The following SH3BP5 variants were observed in gnomAD, a reference collection of about 807,000 sequenced individuals.
SH3BP5 encodes SH3 domain-binding protein 5.
Under a neutral mutation model 43.3 loss-of-function variants are expected in SH3BP5, and 22 were observed. The observed-to-expected ratio is 0.51, with a 90% CI of 0.36 to 0.73. SH3BP5 has a LOEUF of 0.73. Ranked by LOEUF, SH3BP5 falls within the 30% of genes least tolerant of loss-of-function variation. SH3BP5 has a pLI of 0.00. For synonymous variants in SH3BP5, 255 were observed against 225.8 expected, an observed-to-expected ratio of 1.13 and a Z score of -1.16; for missense variants, 529 against 586.9, an observed-to-expected ratio of 0.90 and a Z score of 1.02.
intron 3 of SH3BP5, among the ~76,000 whole-genome samples, chr3:15,303,086 T>C (rs2125110237): frequency 6.6e-6 from 1 of 152,284 alleles, no homozygotes; most frequent in East Asian, 1.9e-4. Flanking sequence ...AGTGCTGGGA[T>C]TACAGGTGTG....
At chr3:15,308,247 A>T (rs1697964417) in intron 2 of SH3BP5, among the ~76,000 whole-genome samples, 1 of 152,228 alleles carries the variant, frequency 6.6e-6, no homozygotes, top group Admixed American at 6.5e-5. Flanking sequence ...GATACAGGGC[A>T]CAGACTGACT....
At chr3:15,262,060 C>CTACTCAGG in intron 5 of SH3BP5, 99 bp downstream of exon 5, 1 of 1,395,842 alleles carries the variant, frequency 7.2e-7, no homozygotes, top group African/African-American at 1.4e-5. Flanking sequence ...CATCAAAGGA[C>CTACTCAGG]TACTCAGGGT....
rs533167535 is a variant in SH3BP5, at chr3:15,265,502, C to T, written c.496-3213G>A. 1.4e-4 allele frequency among the ~76,000 whole-genome samples: 12 copies of T among 84,742 alleles called. No homozygotes were observed. The South Asian group carries it at 2.7e-3, about 19-fold the overall frequency. The allele number at this position is 84,742 out of a possible 152,430, so 55.6% of individuals were successfully genotyped here. A position where few individuals can be genotyped will look rare whatever the true frequency, so the allele number is the denominator to read the frequency against. On this transcript the variant is annotated intron_variant, in intron 4 of 8. Transcript: ENST00000383791. Reference sequence around the variant, plus strand: ...CTGCACTCCAGCCTGAGCTACAGGGCGAGACTCCGTCACACACACACACAC... The same window carrying T: ...CTGCACTCCAGCCTGAGCTACAGGGTGAGACTCCGTCACACACACACACAC...
In SH3BP5 at chr3:15,294,300, T is replaced by C. The variant is rs531239746; in HGVS notation, c.330+9803A>G. On this transcript the variant is annotated intron_variant, in intron 3 of 8. Coordinates refer to ENST00000383791, the MANE Select transcript of SH3BP5 (RefSeq NM_004844.5). ...TCTTCTGCAAAAGTAAGTGTGTGTGTGTGTGTGTGTGTGTGTGTGTGTGTG... is the reference window on the plus strand; with the variant it reads ...TCTTCTGCAAAAGTAAGTGTGTGTGCGTGTGTGTGTGTGTGTGTGTGTGTG... 1.2e-4 allele frequency among the ~76,000 whole-genome samples: 16 copies of C among 134,740 alleles called. No homozygotes were observed. The South Asian group carries it at 1.6e-3, about 14-fold the overall frequency. The allele number at this position is 134,740 out of a possible 152,430, so 88.4% of individuals were successfully genotyped here.
At chr3:15,298,609 T>C (rs114282427) in intron 3 of SH3BP5, among the ~76,000 whole-genome samples, 1,886 of 152,352 alleles carry the variant, frequency 0.012, 50 homozygotes, top group African/African-American at 0.041. Context: ...AAACGTGGTA[T>C]ATACATTCAG....
chr3:15,258,601 G>GA, intron 7 of SH3BP5: 1 of 562,486 alleles, frequency 1.8e-6, no homozygotes, highest in East Asian at 2.9e-5. Context: ...GAGGAGTGAA[G>GA]GTGTAACATT....
chr3:15,279,535 A>G (rs1217426313), intron 3 of SH3BP5, among the ~76,000 whole-genome samples: 1 of 152,208 alleles, frequency 6.6e-6, no homozygotes, highest in East Asian at 1.9e-4. Flanking sequence ...ATAAAAATGT[A>G]AAAGCTACTA....
At chr3:15,299,483 A>ATTTTT (rs60281447) in intron 3 of SH3BP5, among the ~76,000 whole-genome samples, 5 of 92,272 alleles carry the variant, frequency 5.4e-5, no homozygotes, top group South Asian at 4.3e-4. Context: ...CAACAATTAG[A>ATTTTT]TTTTTTTTTT....
Position 15,256,071 on chromosome 3 carries a change from A to G in SH3BP5, c.*15T>C, listed in dbSNP as rs1696184058. 1 of 1,594,524 alleles carries G rather than the reference A, an allele frequency of 6.3e-7. No homozygotes were observed. The highest frequency in any genetic ancestry group is 1.7e-5 in the Admixed American group (1 of 59,618). On this transcript the variant is annotated 3_prime_UTR_variant, in exon 9 of 9. Coordinates refer to ENST00000383791, the MANE Select transcript of SH3BP5 (RefSeq NM_004844.5). ...ATAAATGTTGATATGCACATCGGCC[A>G]GGGCCCAGGATGAATCAGCCAATCT...
intron 2 of SH3BP5, among the ~76,000 whole-genome samples, chr3:15,319,439 T>C (rs901340947): frequency 1.3e-5 from 2 of 152,172 alleles, no homozygotes; most frequent in Non-Finnish European, 2.9e-5. Flanking sequence ...GGCCTCAAAA[T>C]AAGCCACTGT....
At chr3:15,312,089 C>G (rs1698074051) in intron 2 of SH3BP5, among the ~76,000 whole-genome samples, 1 of 152,150 alleles carries the variant, frequency 6.6e-6, no homozygotes, top group African/African-American at 2.4e-5. Flanking sequence ...AAGGAGTCTG[C>G]AAGATGGAAG....
chr3:15,282,765 TG>T (rs1697164427), intron 3 of SH3BP5, among the ~76,000 whole-genome samples: 1 of 151,752 alleles, frequency 6.6e-6, no homozygotes, highest in Non-Finnish European at 1.5e-5. Context: ...AATACTTAGG[TG>T]TGCAGTGATA....
intron 3 of SH3BP5, among the ~76,000 whole-genome samples, chr3:15,280,495 T>C (rs751017744): frequency 1.3e-5 from 2 of 152,088 alleles, no homozygotes; most frequent in East Asian, 3.9e-4. Context: ...TGTAGACCAA[T>C]TGTTTTATTT....
intron 4 of SH3BP5, among the ~76,000 whole-genome samples, chr3:15,265,521 C>CACACACACAG (rs1159187005): frequency 8.2e-6 from 1 of 121,288 alleles, no homozygotes; most frequent in Non-Finnish European, 1.9e-5. Flanking sequence ...GTCACACACA[C>CACACACACAG]ACACACACAC....
At chr3:15,306,171 A>G (rs1238165198) in intron 2 of SH3BP5, among the ~76,000 whole-genome samples, 1 of 151,998 alleles carries the variant, frequency 6.6e-6, no homozygotes, top group Non-Finnish European at 1.5e-5. Flanking sequence ...CCTGGCTAAC[A>G]AGGTGAAACC....
chr3:15,322,252 TTC>T (rs1207423114), intron 2 of SH3BP5, among the ~76,000 whole-genome samples: 3 of 152,076 alleles, frequency 2.0e-5, no homozygotes, highest in Non-Finnish European at 4.4e-5. Context: ...TATGCATATA[TTC>T]TTTTACTATA....
chr3:15,258,794 A>T (rs1014886856), intron 7 of SH3BP5, 37 bp downstream of exon 7: 6 of 1,546,200 alleles, frequency 3.9e-6, no homozygotes, highest in Middle Eastern at 2.1e-4. Context: ...ACACAGTCTG[A>T]TATCTCCCCA....
intron 2 of SH3BP5, among the ~76,000 whole-genome samples, chr3:15,326,643 T>C (rs1698471000): frequency 6.6e-6 from 1 of 152,234 alleles, no homozygotes; most frequent in Admixed American, 6.5e-5. Context: ...TTCAGGTTCA[T>C]TCACCGACAT....
At chr3:15,328,610 T>G (rs1400725474) in intron 2 of SH3BP5, among the ~76,000 whole-genome samples, 2 of 152,010 alleles carry the variant, frequency 1.3e-5, no homozygotes, top group Admixed American at 6.5e-5. Flanking sequence ...TATGGTGGCA[T>G]GCACCTGTAG....
Sources: allele counts gnomAD v4.1 joint callset (sites outside exome capture counted in the v4.1 genomes callset), GRCh38; gene constraint gnomAD v4.1.1; transcripts MANE v1.5; gene names NCBI Gene and HGNC (gene_info 2026-07-23, HGNC 2026-07-21).